Variants in MAP2K5 observed in about 807,000 individuals in gnomAD.
MAP2K5 encodes mitogen-activated protein kinase kinase 5.
Under a neutral mutation model 83.1 loss-of-function variants are expected in MAP2K5, and 49 were observed. That is an observed-to-expected ratio of 0.59 (90% CI 0.47 to 0.75). MAP2K5 has a LOEUF of 0.75. Among genes scored for constraint, MAP2K5 ranks in the 30% least tolerant of loss-of-function variants. The probability of loss-of-function intolerance (pLI) is 0.00; values close to 1 mark genes in which losing one functional copy is unlikely to be tolerated. For synonymous variants in MAP2K5, 202 were observed against 191.8 expected (o/e 1.05, Z -0.44); for missense variants, 457 against 557.5 (o/e 0.82, Z 1.82).
intron 13 of MAP2K5, among the ~76,000 whole-genome samples, chr15:67,686,427 T>C (rs8024430): frequency 0.98 from 149,177 of 151,862 alleles, 73,337 homozygotes; most frequent in Middle Eastern, 1. Flanking sequence ...GGCAACATGG[T>C]GAAACCCCCG....
At chr15:67,711,064 C>T (rs2088680172) in intron 16 of MAP2K5, among the ~76,000 whole-genome samples, 1 of 152,088 alleles carries the variant, frequency 6.6e-6, no homozygotes, top group African/African-American at 2.4e-5. Context: ...GTAAATTGTC[C>T]ACTTTGTATT....
intron 3 of MAP2K5, among the ~76,000 whole-genome samples, chr15:67,575,814 A>C (rs1441486789): frequency 6.6e-6 from 1 of 151,988 alleles, no homozygotes; most frequent in Non-Finnish European, 1.5e-5. Flanking sequence ...TGAGCCTAAC[A>C]CACATAGGTA....
At chr15:67,800,719 C>A (rs1202907184) in intron 21 of MAP2K5, among the ~76,000 whole-genome samples, 1 of 152,164 alleles carries the variant, frequency 6.6e-6, no homozygotes, top group Non-Finnish European at 1.5e-5. Flanking sequence ...TCCCCCACCC[C>A]GATGTACGTG....
At chr15:67,806,573 G>A (rs1566970982) in intron 21 of MAP2K5, 73 bp from the exon 22 acceptor site, 4 of 1,307,986 alleles carry the variant, frequency 3.1e-6, no homozygotes, top group Non-Finnish European at 4.2e-6. Flanking sequence ...CAGGCTGAGG[G>A]CAGGCCCTGG....
Position 67,738,784 on chromosome 15 carries a change from C to T in MAP2K5, c.1075-9447C>T, listed in dbSNP as rs1203487271. 6.6e-6 allele frequency among the ~76,000 whole-genome samples: 1 copy of T among 152,108 alleles called. No individual in the cohort carries two copies. The highest frequency in any genetic ancestry group is 2.4e-5 in the African/African-American group (1 of 41,396). ...TACCTTATTTGAACTAGAGTTATTT[C>T]GTAAACAGAGTCTGAAAAATGCTGG... On this transcript the variant is annotated intron_variant, in intron 17 of 21. Coordinates refer to ENST00000178640, the MANE Select transcript of MAP2K5 (RefSeq NM_145160.3). This position sits in a 1 kb window ranked among gnomAD's most constrained non-coding sequence, Gnocchi z 4.1.
chr15:67,586,827 A>G lies in MAP2K5; in HGVS notation c.364-19A>G, dbSNP rs1197256033. 1.2e-6 allele frequency: 2 copies of G among 1,612,002 alleles called. No homozygotes were observed. Among genetic ancestry groups the G allele is most frequent in the East Asian group, 2.2e-5 (1 of 44,868 alleles). On this transcript the variant is annotated intron_variant, in intron 5 of 21. Coordinates refer to ENST00000178640, the MANE Select transcript of MAP2K5 (RefSeq NM_145160.3). ...TCCTCAGAACACAAGACTGATCAAG[A>G]TTCTTTCTTTACTTATAGGTGAATA...
chr15:67,790,734 A>AAAC lies in MAP2K5; in HGVS notation c.1243-15910_1243-15909insCAA, dbSNP rs2090501889. On this transcript the variant is annotated intron_variant, in intron 21 of 21. Coordinates refer to ENST00000178640, the MANE Select transcript of MAP2K5 (RefSeq NM_145160.3). The surrounding 1 kb of genome is among the most constrained non-coding windows in gnomAD (Gnocchi z 4.6). ...AGTCACATAAAAACAAACAAACAAA[A>AAAC]AAAAAAAAACCTGTGTCCTAATGTC... 1.3e-5 allele frequency among the ~76,000 whole-genome samples: 2 copies of AAAC among 151,772 alleles called. No homozygotes were observed. The highest frequency in any genetic ancestry group is 2.4e-5 in the African/African-American group (1 of 41,294).
intron 21 of MAP2K5, among the ~76,000 whole-genome samples, chr15:67,796,013 A>G (rs1489039812): frequency 1.3e-5 from 2 of 152,152 alleles, no homozygotes; most frequent in African/African-American, 4.8e-5. Context: ...TGTTGATATT[A>G]ATATAGCTAT....
In MAP2K5 at chr15:67,666,835, A is replaced by G. The variant is rs118188424; in HGVS notation, c.847+2190A>G. Among the ~76,000 whole-genome samples the G allele has an allele frequency of 2.7e-3, 404 of 152,284 alleles. 1 individual carries two copies. Among genetic ancestry groups the G allele is most frequent in the Non-Finnish European group, 4.9e-3 (330 of 68,016 alleles). ...AGAGGGCTGACAAGTCCTTTCAAGG[A>G]ATTTCAGTGAATGAGTGTGCACCTA... On this transcript the variant is annotated intron_variant, in intron 13 of 21. Coordinates refer to ENST00000178640, the MANE Select transcript of MAP2K5 (RefSeq NM_145160.3).
In MAP2K5 at chr15:67,746,091, G is replaced by C. The variant is rs1001682444; in HGVS notation, c.1075-2140G>C. Among the ~76,000 whole-genome samples, 2 of 152,170 alleles carry C rather than the reference G, an allele frequency of 1.3e-5. No homozygotes were observed. Among genetic ancestry groups the C allele is most frequent in the African/African-American group, 2.4e-5 (1 of 41,428 alleles). On this transcript the variant is annotated intron_variant, in intron 17 of 21. Coordinates refer to ENST00000178640, the MANE Select transcript of MAP2K5 (RefSeq NM_145160.3). This position sits in a 1 kb window ranked among gnomAD's most constrained non-coding sequence, Gnocchi z 4.1. The stretch of plus-strand genomic sequence containing the variant: ...ATGAAGAGCAAGCATAAATAGTACA[G>C]TTTTAAGTTGACTTAGACTAAGCTT...
intron 4 of MAP2K5, 101 bp downstream of exon 4, chr15:67,580,924 G>C: frequency 1.3e-6 from 1 of 793,736 alleles, no homozygotes. Context: ...ATGATGTTTA[G>C]CTCTTAATTC....
chr15:67,786,018 G>GTT lies in MAP2K5; in HGVS notation c.1242+13278_1242+13279dup, dbSNP rs5813456. Among the ~76,000 whole-genome samples the GTT allele has an allele frequency of 0.027, 3,911 of 146,890 alleles. 139 individuals are homozygous for GTT. Among genetic ancestry groups the GTT allele is most frequent in the Admixed American group, 0.079 (1,177 of 14,824 alleles). On this transcript the variant is annotated intron_variant, in intron 21 of 21. Coordinates refer to ENST00000178640, the MANE Select transcript of MAP2K5 (RefSeq NM_145160.3). This position sits in a 1 kb window ranked among gnomAD's most constrained non-coding sequence, Gnocchi z 4.7. ...ACAGGGGGCTTTTAGCTGTTAGGTT[G>GTT]TTTTTTTTTTTTTAACTTACAGAAG...
At chr15:67,584,025 A>G (rs2085239608) in intron 4 of MAP2K5, among the ~76,000 whole-genome samples, 3 of 152,108 alleles carry the variant, frequency 2.0e-5, no homozygotes, top group Admixed American at 1.3e-4. Context: ...CTGGGATGAA[A>G]GGCATGAGCC....
chr15:67,669,002 T>C (rs2087457330), intron 13 of MAP2K5, among the ~76,000 whole-genome samples: 1 of 152,166 alleles, frequency 6.6e-6, no homozygotes, highest in Non-Finnish European at 1.5e-5. Flanking sequence ...AGTTTCAGTA[T>C]ACATGTTACA....
chr15:67,597,636 G>T (rs10518734), intron 7 of MAP2K5, among the ~76,000 whole-genome samples: 2 of 152,162 alleles, frequency 1.3e-5, no homozygotes, highest in East Asian at 3.9e-4. Context: ...TTGAAAAGTC[G>T]AATTAATATC....
chr15:67,591,755 G>A (rs971940560), intron 6 of MAP2K5, among the ~76,000 whole-genome samples: 6 of 151,942 alleles, frequency 3.9e-5, no homozygotes, highest in Non-Finnish European at 7.4e-5. Flanking sequence ...AGATATTCAC[G>A]GGTATAACTC....
At position 67,683,066 on chromosome 15, in the gene MAP2K5, G is replaced by A. The variant is rs112550275; in HGVS notation, c.848-9413G>A. The stretch of plus-strand genomic sequence containing the variant: ...TGAGGAAGGAGAATCGCTTGAACCC[G>A]GGAGGCGGAGGTTGCAGTGCGCTGA... On this transcript the variant is annotated intron_variant, in intron 13 of 21. Coordinates refer to ENST00000178640, the MANE Select transcript of MAP2K5 (RefSeq NM_145160.3). Among the ~76,000 whole-genome samples the A allele has an allele frequency of 6.4e-4, 97 of 151,634 alleles. 1 individual carries two copies. In the South Asian group the frequency reaches 9.0e-3, roughly 14 times the overall value.
At chr15:67,654,130 T>C (rs1015349895) in intron 11 of MAP2K5, among the ~76,000 whole-genome samples, 5 of 152,040 alleles carry the variant, frequency 3.3e-5, no homozygotes, top group African/African-American at 4.8e-5. Flanking sequence ...GATATTGAAG[T>C]CTCAAAAACT....
At chr15:67,582,028 A>T (rs1175756794) in intron 4 of MAP2K5, among the ~76,000 whole-genome samples, 2 of 150,030 alleles carry the variant, frequency 1.3e-5, no homozygotes, top group African/African-American at 4.9e-5. Context: ...ATTTCTGTTT[A>T]TTAGTCCAAT....
Sources: gnomAD v4.1 joint callset for allele counts (sites outside exome capture counted in the v4.1 genomes callset) on GRCh38, gnomAD v4.1.1 for gene constraint, Gnocchi (gnomAD v3.1) non-coding constraint, MANE v1.5 for transcripts, NCBI Gene and HGNC (gene_info 2026-07-23, HGNC 2026-07-21) for gene names.